CNTNAP2: variants seen among roughly 807,000 people sequenced by gnomAD.
CNTNAP2 encodes contactin associated protein 2.
A neutral mutation model predicts 155.2 loss-of-function variants in CNTNAP2; 98 were observed. That is an observed-to-expected ratio of 0.63 (90% confidence interval 0.54 to 0.75). The LOEUF (loss-of-function observed/expected upper bound fraction) is 0.75, where lower values mean the gene tolerates loss of function less well. Ranked by LOEUF, CNTNAP2 falls within the 30% of genes least tolerant of loss-of-function variation. The pLI, the probability that CNTNAP2 is intolerant of heterozygous loss-of-function variation, is 0.00. For missense variants in CNTNAP2, 1,727 were observed against 1,688.1 expected, an observed-to-expected ratio of 1.02 and a Z score of -0.40; for synonymous variants, 651 against 631.2, an observed-to-expected ratio of 1.03 and a Z score of -0.47.
chr7:147,381,925 A>G (rs2116933090), intron 9 of CNTNAP2, among the ~76,000 whole-genome samples: 2 of 152,204 alleles, frequency 1.3e-5, no homozygotes, highest in East Asian at 3.9e-4. Flanking sequence ...ATAAATATCC[A>G]TGTATAAAAA....
At chr7:146,414,039 T>A (rs1442971642) in intron 1 of CNTNAP2, among the ~76,000 whole-genome samples, 1 of 152,200 alleles carries the variant, frequency 6.6e-6, no homozygotes, top group Admixed American at 6.6e-5. Context: ...AAGCTGGACA[T>A]GTGAACTATG....
chr7:147,711,177 A>G (rs918160613), intron 13 of CNTNAP2, among the ~76,000 whole-genome samples: 2 of 152,206 alleles, frequency 1.3e-5, no homozygotes, highest in African/African-American at 4.8e-5. Context: ...CCTAACTTAC[A>G]ATTAAGACTG....
At chr7:146,505,297 G>A (rs755376441) in intron 1 of CNTNAP2, among the ~76,000 whole-genome samples, 1 of 152,174 alleles carries the variant, frequency 6.6e-6, no homozygotes, top group African/African-American at 2.4e-5. Context: ...CAATGCTGTT[G>A]GAGCATGTCA....
At chr7:147,292,870 GGT>G (rs1412626179) in intron 8 of CNTNAP2, among the ~76,000 whole-genome samples, 1 of 152,108 alleles carries the variant, frequency 6.6e-6, no homozygotes, top group Non-Finnish European at 1.5e-5. Flanking sequence ...CCCTAGTTCA[GGT>G]GATTCTCCTG....
intron 1 of CNTNAP2, among the ~76,000 whole-genome samples, chr7:146,356,004 C>T (rs1584886043): frequency 6.6e-6 from 1 of 151,732 alleles, no homozygotes; most frequent in East Asian, 1.9e-4. Context: ...CAACCCTCTT[C>T]AGCTAGAAGT....
At chr7:147,260,855 A>G (rs1210313031) in intron 8 of CNTNAP2, among the ~76,000 whole-genome samples, 1 of 152,220 alleles carries the variant, frequency 6.6e-6, no homozygotes, top group Non-Finnish European at 1.5e-5. Context: ...GACCAGCTGC[A>G]TCAGTATTAC....
intron 17 of CNTNAP2, among the ~76,000 whole-genome samples, chr7:148,168,362 C>G (rs887475538): frequency 4.6e-5 from 7 of 152,134 alleles, no homozygotes; most frequent in Admixed American, 1.3e-4. Flanking sequence ...CACATATACA[C>G]CATGGAATAC....
chr7:148,393,012 G>C (rs1463334703), intron 22 of CNTNAP2, among the ~76,000 whole-genome samples: 1 of 151,928 alleles, frequency 6.6e-6, no homozygotes, highest in Non-Finnish European at 1.5e-5. Flanking sequence ...TGACTTCTAA[G>C]TTGATTTCTG....
At chr7:146,636,234 G>A (rs148403698) in intron 1 of CNTNAP2, among the ~76,000 whole-genome samples, 54 of 152,236 alleles carry the variant, frequency 3.5e-4, no homozygotes, top group Non-Finnish European at 4.0e-4. Context: ...TATCTTGAAT[G>A]TGCTGGTGAT....
rs1799895648 is a variant in CNTNAP2 at position 148,413,404 on chromosome 7, ATATATATATATAT to A, written c.3797-2012_3797-2000del. Among the ~76,000 whole-genome samples the A allele has an allele frequency of 1.1e-3, 27 of 24,632 alleles. 3 individuals carry two copies. The highest frequency in any genetic ancestry group is 2.3e-3 in the Admixed American group (4 of 1,718). The allele number at this position is 24,632 out of a possible 152,430, so 16.2% of individuals were successfully genotyped here. Reference sequence around the variant, plus strand: ...TGAAACTCCGTCTCAAAAAAAAAATATATATATATATATATATATATATATATATATATATATA... The same window carrying A: ...TGAAACTCCGTCTCAAAAAAAAAATAATATATATATATATATATATATATA... On this transcript the variant is annotated intron_variant, in intron 23 of 23. Coordinates refer to ENST00000361727, the MANE Select transcript of CNTNAP2 (RefSeq NM_014141.6).
intron 1 of CNTNAP2, among the ~76,000 whole-genome samples, chr7:146,668,428 CTGTGTG>C (rs573459590): frequency 0.012 from 1,403 of 115,536 alleles, 17 homozygotes; most frequent in African/African-American, 0.032. Context: ...TGTAATTTTC[CTGTGTG>C]TGTGTGTGTG....
chr7:148,010,652 T>C (rs2116904758), intron 15 of CNTNAP2, among the ~76,000 whole-genome samples: 1 of 109,850 alleles, frequency 9.1e-6, no homozygotes, highest in South Asian at 2.8e-4. Flanking sequence ...ACCTCTGTCA[T>C]ACATCAAGGT....
At chr7:146,546,979 G>T (rs1353820197) in intron 1 of CNTNAP2, among the ~76,000 whole-genome samples, 2 of 151,978 alleles carry the variant, frequency 1.3e-5, no homozygotes, top group Non-Finnish European at 2.9e-5. Flanking sequence ...AGGTATCTCT[G>T]TTGATGTATC....
At chr7:146,444,659 CTCTTT>C (rs1232510264) in intron 1 of CNTNAP2, among the ~76,000 whole-genome samples, 1 of 144,656 alleles carries the variant, frequency 6.9e-6, no homozygotes, top group Non-Finnish European at 1.5e-5. Flanking sequence ...GATCCTCTCT[CTCTTT>C]TTTTTTTTTT....
At chr7:146,250,999 G>A (rs563959419) in intron 1 of CNTNAP2, among the ~76,000 whole-genome samples, 1 of 152,206 alleles carries the variant, frequency 6.6e-6, no homozygotes, top group African/African-American at 2.4e-5. Flanking sequence ...TTTATTGTTT[G>A]CATGAGTGAC....
intron 21 of CNTNAP2, among the ~76,000 whole-genome samples, chr7:148,272,898 A>G (rs1461455933): frequency 6.6e-6 from 1 of 152,216 alleles, no homozygotes; most frequent in East Asian, 1.9e-4. Context: ...GTCTGATCAG[A>G]AAAAAATATG....
chr7:147,727,657 C>G (rs1796666028), intron 13 of CNTNAP2, among the ~76,000 whole-genome samples: 1 of 151,654 alleles, frequency 6.6e-6, no homozygotes, highest in Admixed American at 6.6e-5. Flanking sequence ...GGTGAGGAAG[C>G]AGCTCGTAGC....
intron 9 of CNTNAP2, among the ~76,000 whole-genome samples, chr7:147,379,063 ACTT>A (rs1796489840): frequency 6.6e-6 from 1 of 151,870 alleles, no homozygotes; most frequent in Non-Finnish European, 1.5e-5. Flanking sequence ...TTTGCTCTGT[ACTT>A]CTTGCTGCCT....
At chr7:148,136,257 A>T (rs1386871848) in intron 16 of CNTNAP2, among the ~76,000 whole-genome samples, 1 of 152,070 alleles carries the variant, frequency 6.6e-6, no homozygotes, top group African/African-American at 2.4e-5. Context: ...TTCATGTTGA[A>T]GTGTGACTCC....
Sources: gnomAD v4.1 joint callset for allele counts (sites outside exome capture counted in the v4.1 genomes callset) on GRCh38, gnomAD v4.1.1 for gene constraint, MANE v1.5 for transcripts, NCBI Gene and HGNC (gene_info 2026-07-23, HGNC 2026-07-21) for gene names.